PLXNA2: variants seen among roughly 807,000 people sequenced by gnomAD.
The protein encoded by PLXNA2 is plexin A2, also known as plexin-A2.
PLXNA2 carries 91 observed loss-of-function variants against 193.5 expected under a neutral mutation model. The ratio of observed to expected loss-of-function variants is 0.47; its 90% CI spans 0.40 to 0.56. PLXNA2 has a LOEUF of 0.56. Among genes scored for constraint, PLXNA2 ranks in the 20% least tolerant of loss-of-function variants. PLXNA2 has a pLI of 0.00. For missense variants in PLXNA2, 1,995 were observed against 2,503.2 expected (o/e 0.80, Z 4.33); for synonymous variants, 997 against 1,027.3 (o/e 0.97, Z 0.56).
chr1:208,234,379 G>A (rs946805335), intron 1 of PLXNA2, among the ~76,000 whole-genome samples: 12 of 152,160 alleles, frequency 7.9e-5, no homozygotes, highest in Non-Finnish European at 1.6e-4. Context: ...AAAATCAAGG[G>A]CTCTTGCTGA....
Position 208,217,702 on chromosome 1 carries a change from G to C in PLXNA2, c.221C>G (p.Thr74Arg), listed in dbSNP as rs766481422. Residue 74 changes from threonine to arginine, a missense_variant, in exon 2 of 32, where the codon ACA (threonine) becomes AGA (arginine). Coordinates refer to ENST00000367033, the MANE Select transcript of PLXNA2 (RefSeq NM_025179.4). The surrounding 1 kb of genome is among the most constrained non-coding windows in gnomAD (Gnocchi z 4.7). ...VGAINRVYKL[T>R]GNLTIQVAHK... The stretch of plus-strand genomic sequence containing the variant: ...AGCCACCTGGATGGTCAGGTTGCCT[G>C]TCAGCTTATAGACCCGGTTGATGGC... 1.9e-5 allele frequency: 31 copies of C among 1,614,102 alleles called. No homozygotes were observed. In the South Asian group the frequency reaches 2.1e-4, roughly 11 times the overall value.
chr1:208,241,405 A>G (rs1204350242), intron 1 of PLXNA2, among the ~76,000 whole-genome samples: 1 of 152,214 alleles, frequency 6.6e-6, no homozygotes, highest in Non-Finnish European at 1.5e-5. Context: ...CCTTGTAATG[A>G]CATGGTTTTG....
intron 13 of PLXNA2, among the ~76,000 whole-genome samples, chr1:208,057,726 A>T (rs976946313): frequency 1.3e-5 from 2 of 152,124 alleles, no homozygotes; most frequent in Admixed American, 1.3e-4. Flanking sequence ...TTCTCTCCTT[A>T]TAAAATGGGA....
chr1:208,175,283 TC>T (rs1227411483), intron 3 of PLXNA2, among the ~76,000 whole-genome samples: 2 of 152,112 alleles, frequency 1.3e-5, no homozygotes, highest in African/African-American at 4.8e-5. Context: ...GCGTGAGTCT[TC>T]CTACATTCCA....
At chr1:208,173,849 G>C (rs557729518) in intron 3 of PLXNA2, among the ~76,000 whole-genome samples, 53 of 152,372 alleles carry the variant, frequency 3.5e-4, no homozygotes, top group African/African-American at 1.3e-3. Context: ...GCAGCACCAA[G>C]CCAGGAAGAA....
At chr1:208,137,872 G>T (rs1668350353) in intron 4 of PLXNA2, among the ~76,000 whole-genome samples, 1 of 152,130 alleles carries the variant, frequency 6.6e-6, no homozygotes, top group Non-Finnish European at 1.5e-5. Context: ...CAGAATGTAA[G>T]ACCAGAGACT....
intron 1 of PLXNA2, among the ~76,000 whole-genome samples, chr1:208,224,963 T>C (rs560734155): frequency 2.0e-5 from 3 of 152,222 alleles, no homozygotes; most frequent in South Asian, 4.2e-4. Flanking sequence ...AGATGGAAAT[T>C]TGGGGAGGCT....
At chr1:208,214,074 C>T (rs967300026) in intron 2 of PLXNA2, among the ~76,000 whole-genome samples, 3 of 152,058 alleles carry the variant, frequency 2.0e-5, no homozygotes, top group Non-Finnish European at 4.4e-5. Context: ...GGTTACATTT[C>T]CTCTCCACCT....
At chr1:208,040,251 C>G in intron 22 of PLXNA2, 193 bp from the exon 23 acceptor site, 1 of 593,798 alleles carries the variant, frequency 1.7e-6, no homozygotes, top group Non-Finnish European at 3.0e-6. Context: ...TGGCTTCTTT[C>G]TGGGCCTCAA....
At chr1:208,209,526 T>C (rs1246492810) in intron 3 of PLXNA2, among the ~76,000 whole-genome samples, 1 of 152,158 alleles carries the variant, frequency 6.6e-6, no homozygotes, top group Non-Finnish European at 1.5e-5. Context: ...ATGAACCAGA[T>C]TGTGCGCCCT....
chr1:208,051,293 G>A lies in PLXNA2; in HGVS notation c.3124C>T (p.Arg1042Trp), dbSNP rs781578343. The change falls in exon 16 of 32, where the codon CGG (arginine) becomes TGG (tryptophan). Residue 1042 changes from arginine to tryptophan, a missense_variant. Physicochemically the swap from Arg to Trp is moderately radical, Grantham distance 101 (BLOSUM62 -3). Transcript: ENST00000367033. ...NLQFEYIDDP[R>W]VQRIEPEWSI... Reference sequence around the variant, plus strand: ...CACTCTGGCTCGATGCGCTGGACCCGAGGGTCATCTATGTACTCAAACTGC... The same window carrying A: ...CACTCTGGCTCGATGCGCTGGACCCAAGGGTCATCTATGTACTCAAACTGC... 7.4e-6 allele frequency: 12 copies of A among 1,612,982 alleles called. No individual in the cohort carries two copies. The Admixed American group carries it at 1.0e-4, about 13-fold the overall frequency.
chr1:208,060,619 G>C (rs1665586983), intron 13 of PLXNA2, 67 bp downstream of exon 13: 1 of 1,454,718 alleles, frequency 6.9e-7, no homozygotes, highest in African/African-American at 1.4e-5. Flanking sequence ...CAGGAAGGGA[G>C]AGGGGAGAGT....
intron 12 of PLXNA2, among the ~76,000 whole-genome samples, chr1:208,066,649 A>C (rs1032563439): frequency 5.1e-5 from 7 of 136,950 alleles, no homozygotes; most frequent in Non-Finnish European, 8.2e-5. Flanking sequence ...TTTAGAGTGT[A>C]CTCCTTCTAC....
chr1:208,161,983 G>C (rs1016949544), intron 3 of PLXNA2, among the ~76,000 whole-genome samples: 1 of 152,240 alleles, frequency 6.6e-6, no homozygotes, highest in African/African-American at 2.4e-5. Context: ...TGGGAGGAGA[G>C]GGGGAGCAGG....
chr1:208,052,603 C>G, intron 14 of PLXNA2, 140 bp from the exon 15 acceptor site: 2 of 760,882 alleles, frequency 2.6e-6, no homozygotes, highest in South Asian at 3.7e-5. Flanking sequence ...CCTAAATGCT[C>G]TCTCTGCTTA....
intron 15 of PLXNA2, among the ~76,000 whole-genome samples, chr1:208,052,025 A>G (rs1665280246): frequency 6.6e-6 from 1 of 152,160 alleles, no homozygotes; most frequent in Admixed American, 6.5e-5. Flanking sequence ...CACCATAGTG[A>G]GGACTCAATG....
At chr1:208,096,666 A>AC (rs1248751818) in intron 7 of PLXNA2, 64 bp downstream of exon 7, 49 of 1,569,722 alleles carry the variant, frequency 3.1e-5, no homozygotes, top group Non-Finnish European at 3.7e-5. Context: ...AGTTCTTGTG[A>AC]CCCCCAGCTC....
rs764708684 is a variant in PLXNA2, at chr1:208,043,184, C to T, written c.3894G>A (p.Thr1298=). 4.3e-5 allele frequency: 70 copies of T among 1,613,844 alleles called. No homozygotes were observed. The highest frequency in any genetic ancestry group is 8.0e-5 in the African/African-American group (6 of 74,920). The change falls in exon 21 of 32, where the codon ACG becomes ACA. Residue 1298 remains threonine, a synonymous_variant. Coordinates refer to ENST00000367033, the MANE Select transcript of PLXNA2 (RefSeq NM_025179.4). ...ECKEAFAELQ[T]DINELTSDLD... is the part of the protein sequence containing the mutation. The stretch of plus-strand genomic sequence containing the variant: ...GGTCACTGGTCAACTCATTGATATC[C>T]GTCTGGAGCTCAGCAAAAGCTATGA...
chr1:208,175,940 G>T (rs1462658867), intron 3 of PLXNA2, among the ~76,000 whole-genome samples: 7 of 152,212 alleles, frequency 4.6e-5, no homozygotes, highest in African/African-American at 1.7e-4. Flanking sequence ...GTATCTTGGG[G>T]TTTTGTCTGA....
Sources: allele counts gnomAD v4.1 joint callset (sites outside exome capture counted in the v4.1 genomes callset), GRCh38; gene constraint gnomAD v4.1.1; non-coding constraint Gnocchi (gnomAD v3.1); transcripts MANE v1.5; gene names NCBI Gene and HGNC (gene_info 2026-07-23, HGNC 2026-07-21).